The following TAOK3 variants were observed in gnomAD, a reference collection of about 807,000 sequenced individuals.
TAOK3 encodes TAO kinase 3.
Under a neutral mutation model 120.4 loss-of-function variants are expected in TAOK3, and 40 were observed. The observed-to-expected ratio is 0.33, with a 90% CI of 0.26 to 0.43. The LOEUF (loss-of-function observed/expected upper bound fraction) is 0.43, where lower values mean the gene tolerates loss of function less well. Ranked by LOEUF, TAOK3 falls within the 20% of genes least tolerant of loss-of-function variation. The pLI, the probability that TAOK3 is intolerant of heterozygous loss-of-function variation, is 1.00. For missense variants in TAOK3, 821 were observed against 1,112.1 expected (o/e 0.74, Z 3.72); for synonymous variants, 355 against 387.5 (o/e 0.92, Z 0.99).
chr12:118,179,765 C>T (rs1337550649), intron 15 of TAOK3, among the ~76,000 whole-genome samples: 3 of 151,690 alleles, frequency 2.0e-5, no homozygotes, highest in Non-Finnish European at 4.4e-5. Context: ...TTGTCTCAGC[C>T]TCCCGAGTAG....
At chr12:118,185,909 G>C (rs1436707352) in intron 14 of TAOK3, among the ~76,000 whole-genome samples, 1 of 152,198 alleles carries the variant, frequency 6.6e-6, no homozygotes, top group Non-Finnish European at 1.5e-5. Flanking sequence ...AATAAGTAAA[G>C]AGATATGCAA....
chr12:118,235,743 TTAA>T, intron 7 of TAOK3, 72 bp from the exon 8 acceptor site: 1 of 913,116 alleles, frequency 1.1e-6, no homozygotes, highest in Non-Finnish European at 1.7e-6. Context: ...GAGCATGCAA[TTAA>T]TAAGACAAAA....
At chr12:118,215,478 C>T (rs931342158) in intron 9 of TAOK3, among the ~76,000 whole-genome samples, 1 of 151,802 alleles carries the variant, frequency 6.6e-6, no homozygotes, top group Non-Finnish European at 1.5e-5. Flanking sequence ...CGCCACTGTA[C>T]CCAAGCCTGG....
In TAOK3 at chr12:118,150,947, TTC is replaced by T. The variant is rs541183827; in HGVS notation, c.*48_*49del. 1.9e-4 allele frequency: 283 copies of T among 1,519,614 alleles called. 3 individuals carry two copies. The highest frequency in any genetic ancestry group is 9.0e-4 in the African/African-American group (64 of 71,220). The allele number at this position is 1,519,614 out of a possible 1,614,324, so 94.1% of individuals were successfully genotyped here. ...GTGGTTTTGCAGGGTCTGAATTTTT[TTC>T]TGTTTTCTTTTTTTTTTTTTTTTTT... On this transcript the variant is annotated 3_prime_UTR_variant, in exon 21 of 21. Coordinates refer to ENST00000392533, the MANE Select transcript of TAOK3 (RefSeq NM_016281.4).
In TAOK3 at chr12:118,365,414, G is replaced by C. The variant is rs914902936; in HGVS notation, c.-194+7234C>G. Among the ~76,000 whole-genome samples, 5 of 151,266 alleles carry C rather than the reference G, an allele frequency of 3.3e-5. No homozygotes were observed. The East Asian group carries it at 7.8e-4, about 24-fold the overall frequency. ...CGCCCAGCTAATTTTTGTATTTTTTGTAGAGATGGGCGGGGGCGGGGGCGG... is the reference window on the plus strand; with the variant it reads ...CGCCCAGCTAATTTTTGTATTTTTTCTAGAGATGGGCGGGGGCGGGGGCGG... On this transcript the variant is annotated intron_variant, in intron 1 of 20. Transcript: ENST00000392533.
At chr12:118,275,534 T>A (rs1006892213) in intron 1 of TAOK3, among the ~76,000 whole-genome samples, 29 of 152,200 alleles carry the variant, frequency 1.9e-4, no homozygotes, top group African/African-American at 6.8e-4. Flanking sequence ...GCTCTTAGGA[T>A]TTCTCAAACA....
In TAOK3 at chr12:118,256,713, T is replaced by C. The variant is rs185414074; in HGVS notation, c.-88-1058A>G. 3.9e-3 allele frequency among the ~76,000 whole-genome samples: 598 copies of C among 152,236 alleles called. 4 individuals are homozygous for C. The highest frequency in any genetic ancestry group is 5.3e-3 in the Non-Finnish European group (359 of 68,014). On this transcript the variant is annotated intron_variant, in intron 2 of 20. Transcript: ENST00000392533. ...ACACATATACATGTAATTTCCAGAATAGGCAAATCTATAAAGACAGAAAGT... is the reference window on the plus strand; with the variant it reads ...ACACATATACATGTAATTTCCAGAACAGGCAAATCTATAAAGACAGAAAGT...
Position 118,161,989 on chromosome 12 carries a change from A to G in TAOK3, c.1938T>C (p.His646=). ...ACTCGTCGTGCCGGATTAGCATGGCATGCTCCATCTCCTTCTGGGTCCTCT... is the reference window on the plus strand; with the variant it reads ...ACTCGTCGTGCCGGATTAGCATGGCGTGCTCCATCTCCTTCTGGGTCCTCT... The part of the protein sequence containing the change: ...NKKRTQKEME[H]AMLIRHDEST... Residue 646 remains histidine, a synonymous_variant, in exon 18 of 21, where the codon CAT becomes CAC. Transcript: ENST00000392533. The surrounding 1 kb of genome is among the most constrained non-coding windows in gnomAD (Gnocchi z 4.5). The G allele has an allele frequency of 6.2e-7, 1 of 1,614,096 alleles. No homozygotes were observed. Among genetic ancestry groups the G allele is most frequent in the Non-Finnish European group, 8.5e-7 (1 of 1,180,014 alleles).
intron 11 of TAOK3, among the ~76,000 whole-genome samples, chr12:118,205,062 C>T (rs554516324): frequency 6.6e-5 from 10 of 151,978 alleles, no homozygotes; most frequent in East Asian, 1.9e-4. Flanking sequence ...CCCAGCTACT[C>T]GGGAGGCTGA....
intron 12 of TAOK3, 54 bp from the exon 13 acceptor site, chr12:118,199,311 T>C: frequency 7.1e-7 from 1 of 1,413,338 alleles, no homozygotes; most frequent in Non-Finnish European, 1.0e-6. Flanking sequence ...AAAGAGTCAA[T>C]CCATTGACAA....
At chr12:118,208,805 G>T (rs544071983) in intron 11 of TAOK3, among the ~76,000 whole-genome samples, 1 of 151,892 alleles carries the variant, frequency 6.6e-6, no homozygotes, top group African/African-American at 2.4e-5. Flanking sequence ...TTCGCCTTCC[G>T]GGTTCAAGTG....
chr12:118,181,436 C>T lies in TAOK3; in HGVS notation c.1501G>A (p.Ala501Thr), dbSNP rs769544161. The T allele has an allele frequency of 6.2e-7, 1 of 1,614,216 alleles. No individual in the cohort carries two copies. The highest frequency in any genetic ancestry group is 1.1e-5 in the South Asian group (1 of 91,088). Residue 501 changes from alanine to threonine, a missense_variant, in exon 15 of 21, where the codon GCC (alanine) becomes ACC (threonine). By Grantham distance (58) the Ala-to-Thr change is moderately conservative. This residue lies in a region of TAOK3 where 354 missense variants were observed against 572.1 expected (regional missense o/e 0.62). Coordinates refer to ENST00000392533, the MANE Select transcript of TAOK3 (RefSeq NM_016281.4). ...LKLQKEVETH[A>T]NNSSIELEKL... Reference sequence around the variant, plus strand: ...TCCAGCTCGATGGACGAGTTGTTGGCATGCGTCTCCACCTCCTTCTGTAGC... The same window carrying T: ...TCCAGCTCGATGGACGAGTTGTTGGTATGCGTCTCCACCTCCTTCTGTAGC...
At chr12:118,252,948 G>A (rs2040821218) in intron 3 of TAOK3, among the ~76,000 whole-genome samples, 1 of 152,034 alleles carries the variant, frequency 6.6e-6, no homozygotes, top group Non-Finnish European at 1.5e-5. Flanking sequence ...GGATAGTCTC[G>A]AACTCTTGAC....
At chr12:118,296,132 T>C (rs1422757324) in intron 1 of TAOK3, among the ~76,000 whole-genome samples, 1 of 152,166 alleles carries the variant, frequency 6.6e-6, no homozygotes, top group African/African-American at 2.4e-5. Context: ...TAAAATTTGG[T>C]CAATAAAGGT....
chr12:118,326,209 C>T (rs1361573722), intron 1 of TAOK3, among the ~76,000 whole-genome samples: 3 of 152,108 alleles, frequency 2.0e-5, no homozygotes, highest in Non-Finnish European at 4.4e-5. Flanking sequence ...AGATAAGGGT[C>T]TAGTTTCATT....
chr12:118,299,627 G>A (rs938902720), intron 1 of TAOK3, among the ~76,000 whole-genome samples: 4 of 151,850 alleles, frequency 2.6e-5, no homozygotes, highest in South Asian at 4.2e-4. Context: ...CTCCTGTCTC[G>A]GCCTCCCCAC....
At chr12:118,242,187 A>G (rs962017009) in intron 5 of TAOK3, among the ~76,000 whole-genome samples, 1 of 152,142 alleles carries the variant, frequency 6.6e-6, no homozygotes, top group African/African-American at 2.4e-5. Context: ...ATTTTGTAAC[A>G]TTTATTCTGC....
intron 6 of TAOK3, among the ~76,000 whole-genome samples, chr12:118,238,457 A>T (rs1172365591): frequency 6.6e-6 from 1 of 152,126 alleles, no homozygotes; most frequent in Non-Finnish European, 1.5e-5. Flanking sequence ...CACTGATTCC[A>T]ATTAACCAGG....
intron 1 of TAOK3, among the ~76,000 whole-genome samples, chr12:118,332,695 TAAAC>T (rs2044201634): frequency 6.6e-6 from 1 of 152,218 alleles, no homozygotes; most frequent in Admixed American, 6.5e-5. Flanking sequence ...TAATTTTCCA[TAAAC>T]AGTCTCTTAC....
Sources: allele counts gnomAD v4.1 joint callset (sites outside exome capture counted in the v4.1 genomes callset), GRCh38; gene constraint gnomAD v4.1.1; regional missense constraint gnomAD v4.1.1; non-coding constraint Gnocchi (gnomAD v3.1); transcripts MANE v1.5; gene names NCBI Gene and HGNC (gene_info 2026-07-23, HGNC 2026-07-21).